Variants in KDM5B observed in about 807,000 individuals in gnomAD.
The protein encoded by KDM5B is lysine demethylase 5B, also known as lysine-specific demethylase 5B.
KDM5B carries 144 observed loss-of-function variants against 193.4 expected under a neutral mutation model. That is an observed-to-expected ratio of 0.74 (90% CI 0.65 to 0.86). The LOEUF (loss-of-function observed/expected upper bound fraction) is 0.86. KDM5B is among the 40% of genes least tolerant of loss of function. The pLI is 0.00. For synonymous variants in KDM5B, 668 were observed against 682.6 expected (o/e 0.98, Z 0.33); for missense variants, 1,833 against 1,886.9 (o/e 0.97, Z 0.53).
rs1239419664 is a variant in KDM5B, at chr1:202,728,751, C to T, written c.*285G>A. 1 of 309,514 alleles carries T rather than the reference C, an allele frequency of 3.2e-6. No individual in the cohort carries two copies. Among genetic ancestry groups the T allele is most frequent in the East Asian group, 6.5e-5 (1 of 15,388 alleles). 19.2% of individuals were successfully genotyped at this position (309,514 alleles called of 1,614,324 possible). A position where few individuals can be genotyped will look rare whatever the true frequency, so the allele number is the denominator to read the frequency against. On this transcript the variant is annotated 3_prime_UTR_variant, in exon 27 of 27. Transcript: ENST00000367265. ...ACATGAAAAGGTGCAAGCTTCAATG[C>T]CTTCCAAATTGGTGGGAACCCCTGC...
chr1:202,729,937 G>A lies in KDM5B; in HGVS notation c.4267C>T (p.Arg1423Trp), dbSNP rs751400477. Reference protein sequence around the residue: ...RLEREGLSSERWERVKKMRTP... With the variant: ...RLEREGLSSEWWERVKKMRTP... ...CGCATTTTCTTAACTCGTTCCCACC[G>A]CTCACTGGAGAGGCCCTCTCTTTCC... Residue 1423 changes from arginine to tryptophan, a missense_variant, in exon 26 of 27, where the codon CGG (arginine) becomes TGG (tryptophan). Around this residue, in one of 3 missense-constraint regions of KDM5B, gnomAD observed 1,379 missense variants for 1,349.6 expected, o/e 1.02. Coordinates refer to ENST00000367265, the MANE Select transcript of KDM5B (RefSeq NM_006618.5). 1.6e-5 allele frequency: 26 copies of A among 1,613,824 alleles called. No individual in the cohort carries two copies. The highest frequency in any genetic ancestry group is 5.5e-5 in the South Asian group (5 of 91,058).
In KDM5B at chr1:202,730,148, A is replaced by C. The variant is rs1387984790; in HGVS notation, c.4177-121T>G. On this transcript the variant is annotated intron_variant, in intron 25 of 26. Coordinates refer to ENST00000367265, the MANE Select transcript of KDM5B (RefSeq NM_006618.5). ...GATCCCCCAATCTACACGGGAAAAA[A>C]ATACTGCATCTTAACCACTCCCCTC... 4.5e-6 allele frequency: 4 copies of C among 889,380 alleles called. No homozygotes were observed. The African/African-American group carries it at 6.8e-5, about 15-fold the overall frequency. 55.1% of individuals were successfully genotyped at this position (889,380 alleles called of 1,614,324 possible). A position where few individuals can be genotyped will look rare whatever the true frequency, so the allele number is the denominator to read the frequency against.
At position 202,733,749 on chromosome 1, in the gene KDM5B, G is replaced by A. The variant is rs189582324; in HGVS notation, c.3561C>T (p.Ala1187=). ...KICLCQKAPA[A]PMIQCELCRD... Reference sequence around the variant, plus strand: ...TGCAGAGTTCACATTGAATCATAGGGGCAGCTGGGGCCTTCTGACATAGGC... The same window carrying A: ...TGCAGAGTTCACATTGAATCATAGGAGCAGCTGGGGCCTTCTGACATAGGC... The change falls in exon 23 of 27, where the codon GCC becomes GCT. Residue 1187 remains alanine, a synonymous_variant. Coordinates refer to ENST00000367265, the MANE Select transcript of KDM5B (RefSeq NM_006618.5). 2.5e-6 allele frequency: 4 copies of A among 1,614,144 alleles called. No homozygotes were observed. The African/African-American group carries it at 4.0e-5, about 16-fold the overall frequency.
chr1:202,745,873 T>C lies in KDM5B; in HGVS notation c.2308A>G (p.Ile770Val). 6.2e-7 allele frequency: 1 copy of C among 1,614,048 alleles called. No homozygotes were observed. Among genetic ancestry groups the C allele is most frequent in the Non-Finnish European group, 8.5e-7 (1 of 1,179,918 alleles). Residue 770 changes from isoleucine to valine, a missense_variant, in exon 16 of 27, where the codon ATC becomes GTC. Physicochemically the swap from Ile to Val is conservative, Grantham distance 29 (BLOSUM62 3). Coordinates refer to ENST00000367265, the MANE Select transcript of KDM5B (RefSeq NM_006618.5). ...TATCACATACTTTTCTTCTTGTTGA[T>C]CTTTGCCTCCAAAGCTTCATTCACA... ...LNVNEALEAK[I>V]NKKKSLVSFK...
At chr1:202,772,606 A>T (rs1001350908) in intron 4 of KDM5B, among the ~76,000 whole-genome samples, 1 of 152,184 alleles carries the variant, frequency 6.6e-6, no homozygotes, top group African/African-American at 2.4e-5. Flanking sequence ...TTTCCTCCAC[A>T]ATCTTACTCA....
intron 1 of KDM5B, among the ~76,000 whole-genome samples, chr1:202,797,818 GAC>G (rs1377455084): frequency 2.0e-5 from 3 of 152,172 alleles, no homozygotes; most frequent in African/African-American, 7.2e-5. Flanking sequence ...CACTACATAA[GAC>G]ACACAAATGC....
intron 2 of KDM5B, among the ~76,000 whole-genome samples, chr1:202,775,879 AATATATAT>A (rs1277889468): frequency 4.0e-4 from 37 of 93,168 alleles, no homozygotes; most frequent in East Asian, 1.5e-3. Flanking sequence ...AAAAAAAAAA[AATATATAT>A]ATATATATAT....
rs1304314724 is a variant in KDM5B, at chr1:202,732,120, A to G, written c.3910-181T>C. 1.1e-5 allele frequency: 6 copies of G among 550,742 alleles called. No homozygotes were observed. The Admixed American group carries it at 1.8e-4, about 17-fold the overall frequency. The allele number at this position is 550,742 out of a possible 1,614,324, so 34.1% of individuals were successfully genotyped here. On this transcript the variant is annotated intron_variant, in intron 23 of 26. Transcript: ENST00000367265. The stretch of plus-strand genomic sequence containing the variant: ...TTCAGAACTGGCCAAATCAACTCAT[A>G]TCTTCCCAAAGACCAAGCCTTTAAT...
chr1:202,803,829 A>G (rs556168477), intron 1 of KDM5B, among the ~76,000 whole-genome samples: 1 of 151,024 alleles, frequency 6.6e-6, no homozygotes, highest in Non-Finnish European at 1.5e-5. Flanking sequence ...ATCTCAAAAA[A>G]AAAAGGTAGA....
intron 9 of KDM5B, among the ~76,000 whole-genome samples, chr1:202,757,526 T>C (rs1442769498): frequency 6.6e-6 from 1 of 152,200 alleles, no homozygotes; most frequent in Admixed American, 6.5e-5. Flanking sequence ...AGAGGTTACA[T>C]GCAAGTCATC....
At chr1:202,751,427 T>A (rs898007779) in intron 12 of KDM5B, among the ~76,000 whole-genome samples, 2 of 152,046 alleles carry the variant, frequency 1.3e-5, no homozygotes, top group Non-Finnish European at 2.9e-5. Context: ...ACTAACAAAA[T>A]AACAGGATCA....
intron 1 of KDM5B, among the ~76,000 whole-genome samples, chr1:202,800,787 A>C (rs1413786888): frequency 6.6e-6 from 1 of 152,230 alleles, no homozygotes; most frequent in Non-Finnish European, 1.5e-5. Context: ...AAAGAAATGA[A>C]GTGATGTTAG....
At chr1:202,802,174 C>T (rs531255531) in intron 1 of KDM5B, among the ~76,000 whole-genome samples, 2 of 152,236 alleles carry the variant, frequency 1.3e-5, no homozygotes, top group South Asian at 2.1e-4. Flanking sequence ...CACGCATAGG[C>T]TTCAAAAAAC....
chr1:202,770,096 G>GT (rs1332845291), intron 4 of KDM5B, among the ~76,000 whole-genome samples: 1 of 152,100 alleles, frequency 6.6e-6, no homozygotes, highest in African/African-American at 2.4e-5. Flanking sequence ...ATGCCCTGTA[G>GT]TTTTTTAGAA....
chr1:202,808,018 C>A (rs1335382618), intron 1 of KDM5B, 84 bp downstream of exon 1: 4 of 1,370,226 alleles, frequency 2.9e-6, no homozygotes, highest in Non-Finnish European at 3.9e-6. Context: ...TCCCCGCCCC[C>A]CGCGCCTCGG....
chr1:202,807,720 G>C (rs1161670625), intron 1 of KDM5B, among the ~76,000 whole-genome samples: 1 of 121,842 alleles, frequency 8.2e-6, no homozygotes, highest in East Asian at 2.8e-4. Flanking sequence ...GAGCCTCGCC[G>C]GGCCCACAGT....
chr1:202,737,179 A>T (rs770635134), intron 20 of KDM5B, among the ~76,000 whole-genome samples: 2 of 152,266 alleles, frequency 1.3e-5, no homozygotes, highest in Non-Finnish European at 2.9e-5. Context: ...ATGATTAATT[A>T]AAGCAACTCA....
rs71564198 is a variant in KDM5B at position 202,747,569 on chromosome 1, T to TAAA, written c.2017-1249_2017-1247dup. ...TTCTACCCAAAAAGGCACATATTTT[T>TAAA]AAAAAAAAAAAAAAAAACAGTATTA... On this transcript the variant is annotated intron_variant, in intron 14 of 26. Transcript: ENST00000367265. Among the ~76,000 whole-genome samples, 896 of 129,112 alleles carry TAAA rather than the reference T, an allele frequency of 6.9e-3. 11 individuals are homozygous for TAAA. The highest frequency in any genetic ancestry group is 0.032 in the East Asian group (138 of 4,308). 84.7% of individuals were successfully genotyped at this position (129,112 alleles called of 152,430 possible). A position where few individuals can be genotyped will look rare whatever the true frequency, so the allele number is the denominator to read the frequency against.
Position 202,767,557 on chromosome 1 carries a change from G to C in KDM5B, c.577-497C>G, listed in dbSNP as rs188761699. On this transcript the variant is annotated intron_variant, in intron 4 of 26. Coordinates refer to ENST00000367265, the MANE Select transcript of KDM5B (RefSeq NM_006618.5). ...AGGATTCCCTCCTTTTTTAATCTTA[G>C]AGAGTTTCACTGGATTTTTGTAAGG... 4.9e-6 allele frequency: 3 copies of C among 610,568 alleles called. No homozygotes were observed. The South Asian group carries it at 6.1e-5, about 12-fold the overall frequency. 37.8% of individuals were successfully genotyped at this position (610,568 alleles called of 1,614,324 possible).
Sources: allele counts gnomAD v4.1 joint callset (sites outside exome capture counted in the v4.1 genomes callset), GRCh38; gene constraint gnomAD v4.1.1; regional missense constraint gnomAD v4.1.1; transcripts MANE v1.5; gene names NCBI Gene and HGNC (gene_info 2026-07-23, HGNC 2026-07-21).